The following GLB1 variants were observed in gnomAD, a reference collection of about 807,000 sequenced individuals.
GLB1 encodes the protein galactosidase beta 1.
Under a neutral mutation model 74.0 loss-of-function variants are expected in GLB1, and 56 were observed. The observed-to-expected ratio is 0.76, with a 90% CI of 0.61 to 0.94. GLB1 has a LOEUF of 0.94. GLB1 is among the 40% of genes least tolerant of loss of function. The pLI is 0.00. For synonymous variants in GLB1, 323 were observed against 323.6 expected (o/e 1.00, Z 0.02); for missense variants, 787 against 845.5 (o/e 0.93, Z 0.86).
At chr3:33,087,625 A>G (rs1380393582) in intron 1 of GLB1, among the ~76,000 whole-genome samples, 1 of 141,768 alleles carries the variant, frequency 7.1e-6, no homozygotes, top group Non-Finnish European at 1.6e-5. Flanking sequence ...ACACACACAC[A>G]CACACTCAAA....
chr3:33,054,271 A>G (rs2125526779), intron 6 of GLB1, among the ~76,000 whole-genome samples: 1 of 152,290 alleles, frequency 6.6e-6, no homozygotes, highest in African/African-American at 2.4e-5. Flanking sequence ...ACACTGACTA[A>G]GACAGGCCCC....
At chr3:33,058,412 C>T in intron 5 of GLB1, 143 bp from the exon 6 acceptor site, 2 of 1,165,848 alleles carry the variant, frequency 1.7e-6, no homozygotes, top group Non-Finnish European at 2.4e-6. Context: ...TCACTCAGAC[C>T]TCAAAACTGA....
chr3:33,000,474 C>T (rs1000470623), intron 15 of GLB1, among the ~76,000 whole-genome samples: 6 of 152,204 alleles, frequency 3.9e-5, no homozygotes, highest in African/African-American at 1.4e-4. Flanking sequence ...TGCCTGCAAT[C>T]CCAGTACTTT....
rs750202423 is a variant in GLB1, at chr3:32,997,072, G to A, written c.2007C>T (p.Asn669=). The A allele has an allele frequency of 8.7e-6, 14 of 1,613,912 alleles. No individual in the cohort carries two copies. The highest frequency in any genetic ancestry group is 2.2e-5 in the East Asian group (1 of 44,876). ...KRLMPPPPQK[N]KDSWLDHV Reference sequence around the variant, plus strand: ...ATACATGGTCCAGCCATGAATCTTTGTTTTTTTGCGGGGGTGGGGGCATGA... The same window carrying A: ...ATACATGGTCCAGCCATGAATCTTTATTTTTTTGCGGGGGTGGGGGCATGA... Residue 669 remains asparagine (N), a synonymous_variant, in exon 16 of 16, where the codon AAC becomes AAT. Coordinates refer to ENST00000307363, the MANE Select transcript of GLB1 (RefSeq NM_000404.4).
chr3:33,037,705 T>C (rs1053936633), intron 10 of GLB1, among the ~76,000 whole-genome samples: 4 of 152,262 alleles, frequency 2.6e-5, no homozygotes, highest in Admixed American at 6.5e-5. Context: ...TTGGGAGCAA[T>C]TGAGCAATGG....
intron 1 of GLB1, chr3:33,090,692 A>G: frequency 1.0e-6 from 1 of 985,470 alleles, no homozygotes; most frequent in South Asian, 4.7e-5. Context: ...CACCAGGGCC[A>G]GAATCTGGAC....
At chr3:32,985,146 T>C in the GLB1 span, among the ~76,000 whole-genome samples, 4 of 151,380 alleles carry the variant, frequency 2.6e-5, no homozygotes, top group South Asian at 8.3e-4. Context: ...CTCTGAATGA[T>C]TTATTTATCT....
At chr3:33,007,764 T>C (rs562661896) in intron 15 of GLB1, among the ~76,000 whole-genome samples, 213 of 152,270 alleles carry the variant, frequency 1.4e-3, no homozygotes, top group Non-Finnish European at 2.2e-3. Flanking sequence ...TGTGTGGAGA[T>C]GTACTTTCAA....
Position 33,059,338 on chromosome 3 carries a change from G to T in GLB1, c.553-1069C>A, listed in dbSNP as rs953774590. ...ATATCTCAGGTAATAAAATTTCATG[G>T]TGGAGAGGAGAAGGCAATTAGAAAA... On this transcript the variant is annotated intron_variant, in intron 5 of 15. Coordinates refer to ENST00000307363, the MANE Select transcript of GLB1 (RefSeq NM_000404.4). Among the ~76,000 whole-genome samples the T allele has an allele frequency of 4.9e-4, 74 of 151,654 alleles. 1 individual carries two copies. Among genetic ancestry groups the T allele is most frequent in the Admixed American group, 1.3e-4 (2 of 15,212 alleles).
At position 33,077,386 on chromosome 3, in the gene GLB1, A is replaced by G. The variant is rs967626668; in HGVS notation, c.76-4673T>C. On this transcript the variant is annotated intron_variant, in intron 1 of 15. Coordinates refer to ENST00000307363, the MANE Select transcript of GLB1 (RefSeq NM_000404.4). ...GGTCAATGAGACAGATCAGATTCCA[A>G]TTTGACAGGCAACCAATCAATGAAA... The G allele has an allele frequency of 1.2e-5, 15 of 1,204,768 alleles. No homozygotes were observed. The East Asian group carries it at 3.9e-4, about 31-fold the overall frequency. The allele number at this position is 1,204,768 out of a possible 1,614,324, so 74.6% of individuals were successfully genotyped here. A position where few individuals can be genotyped will look rare whatever the true frequency, so the allele number is the denominator to read the frequency against.
At chr3:33,030,737 C>T (rs1046922905) in intron 10 of GLB1, 16 of 985,324 alleles carry the variant, frequency 1.6e-5, no homozygotes, top group Non-Finnish European at 1.8e-5. Flanking sequence ...TATCAAGGTC[C>T]TCACTACCAC....
chr3:32,989,887 T>C, the GLB1 span, among the ~76,000 whole-genome samples: 1 of 152,186 alleles, frequency 6.6e-6, no homozygotes, highest in South Asian at 2.1e-4. Flanking sequence ...CTTCAAAAGG[T>C]TCTTATAAAG....
intron 5 of GLB1, among the ~76,000 whole-genome samples, chr3:33,061,370 C>A (rs1346809654): frequency 2.0e-5 from 3 of 152,128 alleles, no homozygotes. Context: ...GCAGAGATTG[C>A]GCCACTGGAT....
the GLB1 span, among the ~76,000 whole-genome samples, chr3:32,985,788 C>T: frequency 0.047 from 7,216 of 152,176 alleles, 568 homozygotes; most frequent in African/African-American, 0.16. Flanking sequence ...TCACTGCAAC[C>T]TCCACCTCCC....
At chr3:33,074,718 T>C (rs1246831820) in intron 1 of GLB1, among the ~76,000 whole-genome samples, 1 of 152,210 alleles carries the variant, frequency 6.6e-6, no homozygotes, top group Non-Finnish European at 1.5e-5. Flanking sequence ...AACTAACTAG[T>C]GCTTTCCATT....
At chr3:33,090,344 G>C (rs923849643) in intron 1 of GLB1, 1 of 952,402 alleles carries the variant, frequency 1.0e-6, no homozygotes. Context: ...GCTTGTTAAA[G>C]CTGGGAGAGA....
At chr3:32,971,489 G>A in the GLB1 span, among the ~76,000 whole-genome samples, 11,004 of 152,276 alleles carry the variant, frequency 0.072, 566 homozygotes, top group Non-Finnish European at 0.11. Context: ...TGCTATGTAC[G>A]TGGAGGAACT....
At position 32,997,225 on chromosome 3, in the gene GLB1, C is replaced by T; in HGVS notation, c.1854G>A (p.Val618=). The change falls in exon 16 of 16, where the codon GTG becomes GTA. Residue 618 remains valine (V), a synonymous_variant. Coordinates refer to ENST00000307363, the MANE Select transcript of GLB1 (RefSeq NM_000404.4). ...TGCAGGGTGCCCACTCCAGTTCCAG[C>T]ACGGTGATGGTGTTTGGGGCCGAGG... is the stretch of plus-strand genomic sequence containing the variant. The part of the protein sequence containing the change: ...LMTSAPNTIT[V]LELEWAPCSS... The T allele has an allele frequency of 1.2e-6, 2 of 1,614,216 alleles. No individual in the cohort carries two copies. Among genetic ancestry groups the T allele is most frequent in the Admixed American group, 1.7e-5 (1 of 60,028 alleles).
At chr3:33,046,880 C>T (rs192942639) in intron 9 of GLB1, among the ~76,000 whole-genome samples, 170 of 152,288 alleles carry the variant, frequency 1.1e-3, no homozygotes, top group African/African-American at 3.9e-3. Flanking sequence ...ATTCTCCCAG[C>T]AGCTAGGGCT....
Sources: gnomAD v4.1 joint callset for allele counts (sites outside exome capture counted in the v4.1 genomes callset) on GRCh38, gnomAD v4.1.1 for gene constraint, MANE v1.5 for transcripts, NCBI Gene and HGNC (gene_info 2026-07-23, HGNC 2026-07-21) for gene names.